Variants in GPAM observed in about 807,000 individuals in gnomAD.
GPAM encodes the protein glycerol-3-phosphate acyltransferase 1, mitochondrial.
In GPAM, 56 loss-of-function variants were observed where a neutral mutation model predicts 105.0. The observed-to-expected ratio is 0.53, with a 90% CI of 0.43 to 0.67. The LOEUF (loss-of-function observed/expected upper bound fraction) is 0.67, where lower values mean the gene tolerates loss of function less well. Ranked by LOEUF, GPAM falls within the 30% of genes least tolerant of loss-of-function variation. GPAM has a pLI of 0.00. For missense variants in GPAM, 855 were observed against 989.8 expected, an observed-to-expected ratio of 0.86 and a Z score of 1.83; for synonymous variants, 368 against 354.4, an observed-to-expected ratio of 1.04 and a Z score of -0.43.
Position 112,153,132 on chromosome 10 carries a change from C to A in GPAM, c.*418G>T. 1 of 1,023,690 alleles carries A rather than the reference C, an allele frequency of 9.8e-7. No individual in the cohort carries two copies. The highest frequency in any genetic ancestry group is 1.2e-6 in the Non-Finnish European group (1 of 850,632). The allele number at this position is 1,023,690 out of a possible 1,614,324, so 63.4% of individuals were successfully genotyped here. On this transcript the variant is annotated 3_prime_UTR_variant, in exon 22 of 22. Coordinates refer to ENST00000348367, the MANE Select transcript of GPAM (RefSeq NM_001244949.2). The stretch of plus-strand genomic sequence containing the variant: ...TTTAAAGGAAGCATTAACCACTAAC[C>A]AGATAATATACCAACAAATTACCCA...
chr10:112,158,960 G>A lies in GPAM; in HGVS notation c.1903-567C>T, dbSNP rs142947903. ...ACCTCACACAAAGCATGGCATGGAGGGGGCGGTACTCCTAACACATGCACT... is the reference window on the plus strand; with the variant it reads ...ACCTCACACAAAGCATGGCATGGAGAGGGCGGTACTCCTAACACATGCACT... On this transcript the variant is annotated intron_variant, in intron 17 of 21. Transcript: ENST00000348367. 3.5e-3 allele frequency among the ~76,000 whole-genome samples: 528 copies of A among 152,214 alleles called. 2 individuals carry two copies. Among genetic ancestry groups the A allele is most frequent in the African/African-American group, 0.012 (500 of 41,524 alleles).
chr10:112,210,935 C>G lies in GPAM; in HGVS notation n.210+4233G>C, dbSNP rs541905501. On this transcript the variant is annotated intron_variant and non_coding_transcript_variant, in intron 1 of 3. Transcript: ENST00000480130. ...AGGCCTATTCTCAAATCTTCAGCTC[C>G]CTGCTGCCCTCGCAGCGTTCCTGTT... Among the ~76,000 whole-genome samples, 16 of 152,340 alleles carry G rather than the reference C, an allele frequency of 1.1e-4. No homozygotes were observed. The South Asian group carries it at 1.9e-3, about 18-fold the overall frequency.
intron 19 of GPAM, chr10:112,156,954 T>G: frequency 1.8e-6 from 1 of 554,998 alleles, no homozygotes; most frequent in Non-Finnish European, 3.2e-6. Flanking sequence ...TGCTGCCTCA[T>G]GAGGGGTGCA....
At position 112,180,643 on chromosome 10, in the gene GPAM, A is replaced by G. The variant is rs779502776; in HGVS notation, c.103-48T>C. On this transcript the variant is annotated intron_variant, in intron 3 of 21. Coordinates refer to ENST00000348367, the MANE Select transcript of GPAM (RefSeq NM_001244949.2). The stretch of plus-strand genomic sequence containing the variant: ...TATAGTTTCTAAATGGCAAGAGAAT[A>G]CTTGTCTACTTGATCTCAAAATCTA... 2.0e-6 allele frequency: 3 copies of G among 1,485,614 alleles called. No homozygotes were observed. The East Asian group carries it at 6.8e-5, about 34-fold the overall frequency. 92.0% of individuals were successfully genotyped at this position (1,485,614 alleles called of 1,614,324 possible).
chr10:112,224,234 A>G, the GPAM span, among the ~76,000 whole-genome samples: 1 of 152,242 alleles, frequency 6.6e-6, no homozygotes, highest in East Asian at 1.9e-4. Flanking sequence ...AGCAAAAAAA[A>G]TCCCAGCCAT....
At chr10:112,188,478 T>TA (rs1267638810), upstream of GPAM, among the ~76,000 whole-genome samples, 1 of 152,176 alleles carries the variant, frequency 6.6e-6, no homozygotes, top group Non-Finnish European at 1.5e-5. Flanking sequence ...TTAGATCCTA[T>TA]AAAAAGCTGG....
At chr10:112,191,608 T>G (rs934929374) in intron 1 of GPAM, among the ~76,000 whole-genome samples, 1 of 152,240 alleles carries the variant, frequency 6.6e-6, no homozygotes, top group South Asian at 2.1e-4. Flanking sequence ...TGAGGTTTCC[T>G]AAGACCTGGA....
At chr10:112,164,818 C>T (rs975450412) in intron 12 of GPAM, among the ~76,000 whole-genome samples, 11 of 152,188 alleles carry the variant, frequency 7.2e-5, no homozygotes, top group African/African-American at 2.7e-4. Context: ...AACTTGAACA[C>T]TGAAGACACA....
intron 1 of GPAM, among the ~76,000 whole-genome samples, chr10:112,200,366 C>A (rs1323009099): frequency 6.6e-6 from 1 of 151,794 alleles, no homozygotes; most frequent in Non-Finnish European, 1.5e-5. Flanking sequence ...TGGCTCACTG[C>A]AACCTTGACT....
intron 1 of GPAM, among the ~76,000 whole-genome samples, chr10:112,203,512 C>T (rs1847823451): frequency 3.9e-5 from 6 of 152,200 alleles, no homozygotes. Flanking sequence ...CCACTCTGCC[C>T]CTTTCTAAGC....
intron 1 of GPAM, among the ~76,000 whole-genome samples, chr10:112,214,697 G>C (rs907716812): frequency 2.6e-5 from 4 of 152,218 alleles, no homozygotes; most frequent in African/African-American, 9.7e-5. Flanking sequence ...CCAACATCAC[G>C]AGGATTGGTA....
upstream of GPAM, among the ~76,000 whole-genome samples, chr10:112,188,569 A>G (rs185715542): frequency 6.6e-6 from 1 of 152,208 alleles, no homozygotes; most frequent in African/African-American, 2.4e-5. Context: ...TCTCCTGGCC[A>G]ACTCTGAAAA....
chr10:112,184,723 G>C (rs1281044695), upstream of GPAM, among the ~76,000 whole-genome samples: 1 of 152,210 alleles, frequency 6.6e-6, no homozygotes, highest in Non-Finnish European at 1.5e-5. Context: ...CAGCCAAAAA[G>C]AGCTAGGCAG....
intron 2 of GPAM, among the ~76,000 whole-genome samples, chr10:112,182,512 T>C (rs1308786754): frequency 1.3e-5 from 2 of 152,228 alleles, no homozygotes; most frequent in African/African-American, 2.4e-5. Flanking sequence ...CTAGAATAGA[T>C]ATTAATCCAA....
the GPAM span, among the ~76,000 whole-genome samples, chr10:112,221,027 G>A: frequency 6.6e-6 from 1 of 152,208 alleles, no homozygotes; most frequent in African/African-American, 2.4e-5. Flanking sequence ...CACATCCAAT[G>A]GCATCTACTA....
intron 4 of GPAM, among the ~76,000 whole-genome samples, chr10:112,180,051 C>T (rs116911253): frequency 4.6e-5 from 7 of 152,316 alleles, no homozygotes; most frequent in Non-Finnish European, 1.0e-4. Flanking sequence ...CAACAGACAC[C>T]TTCCATTAGC....
chr10:112,188,436 T>A (rs992180574), upstream of GPAM, among the ~76,000 whole-genome samples: 1 of 152,296 alleles, frequency 6.6e-6, no homozygotes, highest in Non-Finnish European at 1.5e-5. Context: ...GTACCAGATG[T>A]TAGATTTCCT....
intron 5 of GPAM, among the ~76,000 whole-genome samples, chr10:112,176,401 C>T (rs569197994): frequency 6.6e-6 from 1 of 152,234 alleles, no homozygotes; most frequent in Non-Finnish European, 1.5e-5. Context: ...AATAAGAATG[C>T]TACAAGCTTT....
At chr10:112,153,846 T>C (rs1478078237) in intron 21 of GPAM, 180 bp from the exon 22 acceptor site, 1 of 600,938 alleles carries the variant, frequency 1.7e-6, no homozygotes, top group Non-Finnish European at 2.8e-6. Flanking sequence ...GAGTTTCCAA[T>C]GCAAACAAGG....
Sources: allele counts gnomAD v4.1 joint callset (sites outside exome capture counted in the v4.1 genomes callset), GRCh38; gene constraint gnomAD v4.1.1; transcripts MANE v1.5; gene names NCBI Gene and HGNC (gene_info 2026-07-23, HGNC 2026-07-21).